Variants in CDCA2 observed in about 807,000 individuals in gnomAD.
CDCA2 encodes the protein cell division cycle associated 2, also known as cell division cycle-associated protein 2.
CDCA2 carries 44 observed loss-of-function variants against 67.0 expected under a neutral mutation model. The ratio of observed to expected loss-of-function variants is 0.66; its 90% confidence interval spans 0.52 to 0.84. CDCA2 has a LOEUF of 0.84. Ranked by LOEUF, CDCA2 falls within the 40% of genes least tolerant of loss-of-function variation. CDCA2 has a pLI of 0.00. For missense variants in CDCA2, 1,253 were observed against 1,203.2 expected, an observed-to-expected ratio of 1.04 and a Z score of -0.61; for synonymous variants, 447 against 418.7, an observed-to-expected ratio of 1.07 and a Z score of -0.82.
chr8:25,472,172 C>G (rs1452791970), intron 7 of CDCA2: 1 of 151,948 alleles, frequency 6.6e-6, no homozygotes, highest in African/African-American at 2.4e-5. Context: ...TGCCCCAGAG[C>G]TGCTAATATT....
chr8:25,475,998 C>G (rs994131623), intron 7 of CDCA2, among the ~76,000 whole-genome samples: 5 of 152,170 alleles, frequency 3.3e-5, no homozygotes, highest in Non-Finnish European at 7.3e-5. Flanking sequence ...AACTGTGGGT[C>G]CAGGGGAATT....
rs371977937 is a variant in CDCA2 at position 25,507,160 on chromosome 8, C to T, written c.2494C>T (p.Arg832Cys). 5.0e-6 allele frequency: 8 copies of T among 1,614,068 alleles called. No homozygotes were observed. Among genetic ancestry groups the T allele is most frequent in the African/African-American group, 1.3e-5 (1 of 75,000 alleles). Reference protein sequence around the residue: ...VSCRDRKDRRRSMCYSDGRSL... With the variant: ...VSCRDRKDRRCSMCYSDGRSL... ...TTGCAGAGACAGGAAAGATAGAAGA[C>T]GTTCCATGTGTTATTCTGATGGTCG... Residue 832 changes from arginine (R) to cysteine (C), a missense_variant, in exon 15 of 15, where the codon CGT becomes TGT. By Grantham distance (180) the Arg-to-Cys change is radical. Coordinates refer to ENST00000330560, the MANE Select transcript of CDCA2 (RefSeq NM_152562.4).
Position 25,484,157 on chromosome 8 carries a change from C to A in CDCA2, c.1312C>A (p.Pro438Thr). ...CAGTTCCCTGCTGCTTGAGCAGTCACCTGTTCCTGAGCCATTACCTCAACC... is the reference window on the plus strand; with the variant it reads ...CAGTTCCCTGCTGCTTGAGCAGTCAACTGTTCCTGAGCCATTACCTCAACC... ...GLSSLLLEQS[P>T]VPEPLPQPDF... The change falls in exon 10 of 15, where the codon CCT (proline) becomes ACT (threonine). Residue 438 changes from proline to threonine, a missense_variant. Physicochemically the swap from Pro to Thr is conservative, Grantham distance 38 (BLOSUM62 -1). Coordinates refer to ENST00000330560, the MANE Select transcript of CDCA2 (RefSeq NM_152562.4). 6.2e-7 allele frequency: 1 copy of A among 1,614,214 alleles called. No homozygotes were observed.
chr8:25,466,041 C>G (rs903876124), intron 4 of CDCA2, 134 bp from the exon 5 acceptor site: 5 of 681,392 alleles, frequency 7.3e-6, no homozygotes, highest in Non-Finnish European at 1.1e-5. Flanking sequence ...AGCTCTGCCA[C>G]ACTAACTCCT....
intron 7 of CDCA2, among the ~76,000 whole-genome samples, chr8:25,477,716 C>A (rs1803405279): frequency 6.6e-6 from 1 of 152,090 alleles, no homozygotes; most frequent in Admixed American, 6.5e-5. Flanking sequence ...TTTCCCGGAA[C>A]TCTTGAATTA....
In CDCA2 at chr8:25,506,527, G is replaced by A. The variant is rs1804681403; in HGVS notation, c.1861G>A (p.Gly621Ser). The A allele has an allele frequency of 1.3e-6, 2 of 1,572,780 alleles. No homozygotes were observed. The highest frequency in any genetic ancestry group is 8.6e-7 in the Non-Finnish European group (1 of 1,166,764). ...GCCCATAGGTTATTTCAGTTCAAAT[G>A]GCAAACTGGAAGAAGTGAAGACTCC... is the stretch of plus-strand genomic sequence containing the variant. ...RLGSGYFSSN[G>S]KLEEVKTPKN... Residue 621 changes from glycine (G) to serine (S), a missense_variant, in exon 15 of 15, where the codon GGC (glycine) becomes AGC (serine). Transcript: ENST00000330560.
At chr8:25,479,863 A>G (rs753169706) in intron 7 of CDCA2, 50 bp from the exon 8 acceptor site, 31 of 1,565,886 alleles carry the variant, frequency 2.0e-5, no homozygotes, top group Non-Finnish European at 2.5e-5. Context: ...TCTAGAACAA[A>G]CAGATTTAAG....
At chr8:25,475,539 A>G (rs1215336390) in intron 7 of CDCA2, among the ~76,000 whole-genome samples, 1 of 152,114 alleles carries the variant, frequency 6.6e-6, no homozygotes, top group African/African-American at 2.4e-5. Context: ...GCGAATATTT[A>G]ATGCAACCAC....
At chr8:25,476,366 G>A (rs183066323) in intron 7 of CDCA2, among the ~76,000 whole-genome samples, 3 of 152,250 alleles carry the variant, frequency 2.0e-5, no homozygotes, top group Admixed American at 2.0e-4. Context: ...TGAGTGATCT[G>A]AGAGAAAGTT....
At chr8:25,474,518 C>T (rs1803273853) in intron 7 of CDCA2, among the ~76,000 whole-genome samples, 1 of 152,104 alleles carries the variant, frequency 6.6e-6, no homozygotes, top group South Asian at 2.1e-4. Context: ...TATCCAATTT[C>T]TTGGCATTTA....
intron 13 of CDCA2, among the ~76,000 whole-genome samples, chr8:25,493,826 G>C (rs892554066): frequency 1.3e-5 from 2 of 152,202 alleles, no homozygotes; most frequent in African/African-American, 4.8e-5. Context: ...GCAGACCTCT[G>C]TGGAGGAGTA....
At chr8:25,482,497 C>T (rs1435298347) in intron 8 of CDCA2, among the ~76,000 whole-genome samples, 2 of 152,144 alleles carry the variant, frequency 1.3e-5, no homozygotes, top group Non-Finnish European at 1.5e-5. Context: ...AAAAAAGTCA[C>T]AAAACACATA....
At chr8:25,502,943 A>T (rs898102040) in intron 13 of CDCA2, among the ~76,000 whole-genome samples, 1 of 152,204 alleles carries the variant, frequency 6.6e-6, no homozygotes, top group Non-Finnish European at 1.5e-5. Flanking sequence ...AAAGTTATCT[A>T]TGCAATAAAG....
rs951730728 is a variant in CDCA2 at position 25,459,285 on chromosome 8, C to G, written c.-189C>G. On this transcript the variant is annotated 5_prime_UTR_variant, in exon 1 of 15. Transcript: ENST00000330560. Reference sequence around the variant, plus strand: ...CCAGGATCAGCGCAGGCTGTGAGTCCAGGTCAGCCGTCGGGACCTCGGGCT... The same window carrying G: ...CCAGGATCAGCGCAGGCTGTGAGTCGAGGTCAGCCGTCGGGACCTCGGGCT... 1 of 152,388 alleles carries G rather than the reference C, an allele frequency of 6.6e-6. No individual in the cohort carries two copies. The highest frequency in any genetic ancestry group is 2.4e-5 in the African/African-American group (1 of 41,436). 9.4% of individuals were successfully genotyped at this position (152,388 alleles called of 1,614,324 possible).
At chr8:25,479,563 A>C (rs1007535101) in intron 7 of CDCA2, 1 of 288,024 alleles carries the variant, frequency 3.5e-6, no homozygotes, top group African/African-American at 2.2e-5. Context: ...GGCTCAGATT[A>C]GTTTTTATGG....
chr8:25,480,417 G>A (rs1247722197), intron 8 of CDCA2, among the ~76,000 whole-genome samples: 2 of 151,946 alleles, frequency 1.3e-5, no homozygotes, highest in Admixed American at 6.6e-5. Context: ...ATAATTATAT[G>A]TTATTGATTC....
intron 3 of CDCA2, among the ~76,000 whole-genome samples, chr8:25,461,268 C>CAAAA (rs61333775): frequency 5.2e-5 from 5 of 95,926 alleles, no homozygotes; most frequent in Admixed American, 1.2e-4. Context: ...ACTCTGTCTC[C>CAAAA]AAAAAAAAAA....
chr8:25,463,427 C>A (rs1802778804), intron 4 of CDCA2, among the ~76,000 whole-genome samples: 1 of 152,110 alleles, frequency 6.6e-6, no homozygotes, highest in Admixed American at 6.5e-5. Flanking sequence ...ATTGCTCATG[C>A]ATTTGTGGTG....
At chr8:25,468,168 A>T in intron 5 of CDCA2, 49 bp from the exon 6 acceptor site, 3 of 775,964 alleles carry the variant, frequency 3.9e-6, no homozygotes, top group Non-Finnish European at 5.5e-6. Flanking sequence ...TATAATATAT[A>T]TGAAAACATT....
Sources: gnomAD v4.1 joint callset for allele counts (sites outside exome capture counted in the v4.1 genomes callset) on GRCh38, gnomAD v4.1.1 for gene constraint, MANE v1.5 for transcripts, NCBI Gene and HGNC (gene_info 2026-07-23, HGNC 2026-07-21) for gene names.